Variants in DISC1 observed in about 807,000 individuals in gnomAD.
DISC1 encodes DISC1 scaffold protein.
A neutral mutation model predicts 84.5 loss-of-function variants in DISC1; 57 were observed. The observed-to-expected ratio is 0.67, with a 90% CI of 0.55 to 0.84. The LOEUF (loss-of-function observed/expected upper bound fraction) is 0.84, where lower values mean the gene tolerates loss of function less well. DISC1 is among the 40% of genes least tolerant of loss of function. DISC1 has a pLI of 0.00. For missense variants in DISC1, 1,000 were observed against 1,057.8 expected (o/e 0.95, Z 0.76); for synonymous variants, 411 against 415.2 (o/e 0.99, Z 0.12).
At chr1:231,925,021 A>C (rs2090274648) in intron 9 of DISC1, among the ~76,000 whole-genome samples, 1 of 142,110 alleles carries the variant, frequency 7.0e-6, no homozygotes, top group Admixed American at 7.2e-5. Context: ...CATTTGTCTT[A>C]TGGATAAGGT....
intron 6 of DISC1, among the ~76,000 whole-genome samples, chr1:231,781,448 GATTA>G (rs1355438058): frequency 6.6e-6 from 1 of 152,070 alleles, no homozygotes; most frequent in Non-Finnish European, 1.5e-5. Context: ...TTAGGCATTA[GATTA>G]ATTATTTTCA....
In DISC1 at chr1:231,992,582, C is replaced by T. The variant is rs75981102; in HGVS notation, c.2043-16203C>T. Among the ~76,000 whole-genome samples the T allele has an allele frequency of 5.1e-3, 772 of 152,184 alleles. 5 individuals carry two copies. Among genetic ancestry groups the T allele is most frequent in the African/African-American group, 0.018 (730 of 41,536 alleles). ...TGTGTTTGCTTAGAAAGTTTTTCCC[C>T]ACTTCGAGTCAGTCAAATAATGTAA... On this transcript the variant is annotated intron_variant, in intron 10 of 12. Coordinates refer to ENST00000439617, the MANE Select transcript of DISC1 (RefSeq NM_018662.3).
intron 2 of DISC1, among the ~76,000 whole-genome samples, chr1:231,696,742 C>T (rs765497004): frequency 7.9e-5 from 12 of 152,326 alleles, no homozygotes; most frequent in Non-Finnish European, 1.6e-4. Context: ...CTGCAGTATT[C>T]AGTACAGTCA....
intron 1 of DISC1, among the ~76,000 whole-genome samples, chr1:231,631,674 A>T (rs1246453527): frequency 6.6e-6 from 1 of 152,060 alleles, no homozygotes; most frequent in Non-Finnish European, 1.5e-5. Context: ...ATAAAGAAAA[A>T]ATATTTTTGT....
intron 4 of DISC1, among the ~76,000 whole-genome samples, chr1:231,761,929 G>A (rs374751079): frequency 2.4e-5 from 1 of 40,924 alleles, no homozygotes; most frequent in South Asian, 7.5e-4. Context: ...AGTCAGGAAC[G>A]AGTAACTGCA....
intron 10 of DISC1, among the ~76,000 whole-genome samples, chr1:231,973,305 C>A (rs929813045): frequency 2.0e-5 from 3 of 152,204 alleles, no homozygotes; most frequent in African/African-American, 7.2e-5. Flanking sequence ...CTTGGCCTCC[C>A]AAAGTGCTGG....
intron 1 of DISC1, among the ~76,000 whole-genome samples, chr1:231,687,791 G>T (rs925827398): frequency 3.9e-5 from 6 of 152,162 alleles, no homozygotes; most frequent in Admixed American, 2.0e-4. Context: ...GGGAAATGGG[G>T]AGTTAATATT....
intron 1 of DISC1, among the ~76,000 whole-genome samples, chr1:231,686,997 G>T (rs970038088): frequency 2.0e-5 from 3 of 152,152 alleles, no homozygotes; most frequent in Non-Finnish European, 4.4e-5. Context: ...TTCCCAACAA[G>T]TTCCTCATCT....
chr1:231,802,410 G>T (rs1308535721), intron 8 of DISC1, among the ~76,000 whole-genome samples: 2 of 152,064 alleles, frequency 1.3e-5, no homozygotes, highest in East Asian at 3.9e-4. Context: ...CGCCATGATT[G>T]TAAGTTTCTT....
intron 12 of DISC1, 73 bp downstream of exon 12, chr1:232,026,625 T>C: frequency 1.8e-6 from 2 of 1,119,328 alleles, no homozygotes; most frequent in Non-Finnish European, 1.3e-6. Flanking sequence ...GGGTAGTTTT[T>C]CATGCCTCAG....
chr1:231,733,599 TGTG>T lies in DISC1; in HGVS notation c.1118-16323_1118-16321del, dbSNP rs373570450. ...TGATGGTGGGAGTGATGGTGGTAGT[TGTG>T]GTGATGATGGTAGGAGTGGTGGTGG... On this transcript the variant is annotated intron_variant, in intron 3 of 12. Coordinates refer to ENST00000439617, the MANE Select transcript of DISC1 (RefSeq NM_018662.3). Among the ~76,000 whole-genome samples, 569 of 121,372 alleles carry T rather than the reference TGTG, an allele frequency of 4.7e-3. 2 individuals are homozygous for T. Among genetic ancestry groups the T allele is most frequent in the Non-Finnish European group, 5.6e-3 (317 of 56,684 alleles). The allele number at this position is 121,372 out of a possible 152,430, so 79.6% of individuals were successfully genotyped here. A position where few individuals can be genotyped will look rare whatever the true frequency, so the allele number is the denominator to read the frequency against.
At chr1:231,953,454 T>A (rs1252708332) in intron 9 of DISC1, among the ~76,000 whole-genome samples, 2 of 152,232 alleles carry the variant, frequency 1.3e-5, no homozygotes, top group African/African-American at 4.8e-5. Context: ...CCTGGGTCTT[T>A]TCAGGATTAT....
chr1:231,822,274 C>A (rs2081552676), intron 9 of DISC1, among the ~76,000 whole-genome samples: 1 of 152,076 alleles, frequency 6.6e-6, no homozygotes, highest in Non-Finnish European at 1.5e-5. Flanking sequence ...AGATGTAGCT[C>A]AAAAATCTGG....
chr1:231,656,364 G>A (rs893297817), intron 1 of DISC1, among the ~76,000 whole-genome samples: 11 of 152,146 alleles, frequency 7.2e-5, no homozygotes, highest in African/African-American at 2.6e-4. Flanking sequence ...ATTTATGTTT[G>A]TATATGCTTT....
chr1:231,819,672 G>C (rs565249374), intron 9 of DISC1, among the ~76,000 whole-genome samples: 1 of 152,198 alleles, frequency 6.6e-6, no homozygotes, highest in African/African-American at 2.4e-5. Flanking sequence ...ATGACAACAC[G>C]CTCACCCAAG....
At chr1:231,708,262 A>G (rs2067334858) in intron 3 of DISC1, among the ~76,000 whole-genome samples, 1 of 152,136 alleles carries the variant, frequency 6.6e-6, no homozygotes, top group African/African-American at 2.4e-5. Flanking sequence ...GCACCATCCA[A>G]TTGTCAAGGG....
chr1:232,026,522 G>A lies in DISC1; in HGVS notation c.2395G>A (p.Ala799Thr). 2 of 1,606,074 alleles carry A rather than the reference G, an allele frequency of 1.2e-6. No homozygotes were observed. The highest frequency in any genetic ancestry group is 1.7e-6 in the Non-Finnish European group (2 of 1,175,954). ...GTACTTGGAAGATCAACTTCACACA[G>A]CAATCCACAGTCATGATGAAGATCT... ...LLYLEDQLHT[A>T]IHSHDEDLIQ... Residue 799 changes from alanine to threonine, a missense_variant, in exon 12 of 13, where the codon GCA becomes ACA. By Grantham distance (58) the Ala-to-Thr change is moderately conservative. Around this residue, in one of 3 missense-constraint regions of DISC1, gnomAD observed 397 missense variants for 377.5 expected, o/e 1.05. Transcript: ENST00000439617.
chr1:231,890,054 G>A (rs2087085308), intron 9 of DISC1, among the ~76,000 whole-genome samples: 1 of 152,124 alleles, frequency 6.6e-6, no homozygotes, highest in African/African-American at 2.4e-5. Context: ...ATGAGAAATG[G>A]CTTCTCCTAG....
intron 9 of DISC1, among the ~76,000 whole-genome samples, chr1:231,902,713 G>A (rs1049563035): frequency 6.6e-6 from 1 of 152,212 alleles, no homozygotes; most frequent in African/African-American, 2.4e-5. Flanking sequence ...AAATCGAGGT[G>A]TTGTTAGAGC....
Sources: allele counts gnomAD v4.1 joint callset (sites outside exome capture counted in the v4.1 genomes callset), GRCh38; gene constraint gnomAD v4.1.1; regional missense constraint gnomAD v4.1.1; transcripts MANE v1.5; gene names NCBI Gene and HGNC (gene_info 2026-07-23, HGNC 2026-07-21).